SAMD5: variants seen among roughly 807,000 people sequenced by gnomAD.
SAMD5 encodes the protein sterile alpha motif domain containing 5, also known as sterile alpha motif domain-containing protein 5.
SAMD5 carries 13 observed loss-of-function variants against 11.3 expected under a neutral mutation model. That is an observed-to-expected ratio of 1.15 (90% CI 0.75 to 1.83). SAMD5 has a LOEUF of 1.83. SAMD5 is among the 40% of genes most tolerant of loss of function. The pLI is 0.00. For missense variants in SAMD5, 255 were observed against 239.1 expected, an observed-to-expected ratio of 1.07 and a Z score of -0.44; for synonymous variants, 129 against 111.3, an observed-to-expected ratio of 1.16 and a Z score of -1.00.
intron 1 of SAMD5, among the ~76,000 whole-genome samples, chr6:147,601,813 C>T (rs577050084): frequency 3.5e-4 from 53 of 152,198 alleles, no homozygotes; most frequent in Non-Finnish European, 6.6e-4. Flanking sequence ...CAGCTTACTT[C>T]ACCGTGAATG....
chr6:147,952,380 G>A, the SAMD5 span, among the ~76,000 whole-genome samples: 5 of 152,212 alleles, frequency 3.3e-5, no homozygotes, highest in Non-Finnish European at 2.9e-5. Context: ...ATATATTAAT[G>A]GTGATGGATA....
At chr6:147,759,451 C>T in the SAMD5 span, among the ~76,000 whole-genome samples, 42 of 152,030 alleles carry the variant, frequency 2.8e-4, no homozygotes, top group Admixed American at 2.0e-3. Flanking sequence ...CTCCTTTTGG[C>T]CAATAACTCT....
At chr6:147,859,132 A>AC in the SAMD5 span, among the ~76,000 whole-genome samples, 1 of 152,152 alleles carries the variant, frequency 6.6e-6, no homozygotes, top group Non-Finnish European at 1.5e-5. Context: ...AATGTTTACT[A>AC]CCCTCGGAGA....
the SAMD5 span, among the ~76,000 whole-genome samples, chr6:147,781,258 TG>T: frequency 6.6e-6 from 1 of 151,668 alleles, no homozygotes; most frequent in African/African-American, 2.4e-5. Flanking sequence ...CAGACTCAAG[TG>T]ATCCTCCTAC....
At chr6:147,538,888 G>T (rs1371286224) in intron 1 of SAMD5, among the ~76,000 whole-genome samples, 4 of 152,102 alleles carry the variant, frequency 2.6e-5, no homozygotes, top group Non-Finnish European at 5.9e-5. Flanking sequence ...CAAAATATTT[G>T]ACTTAAGTGC....
At chr6:147,877,914 G>T in the SAMD5 span, among the ~76,000 whole-genome samples, 3 of 8,848 alleles carry the variant, frequency 3.4e-4, no homozygotes, top group Non-Finnish European at 7.2e-4. Flanking sequence ...TAGATAGCTA[G>T]CTAGCTAGCT....
At chr6:147,892,291 T>C in the SAMD5 span, among the ~76,000 whole-genome samples, 4 of 152,300 alleles carry the variant, frequency 2.6e-5, no homozygotes, top group Non-Finnish European at 5.9e-5. Flanking sequence ...CCTCCTTCAT[T>C]CTTGGTCTAT....
chr6:147,869,977 A>C, the SAMD5 span, among the ~76,000 whole-genome samples: 1 of 152,184 alleles, frequency 6.6e-6, no homozygotes, highest in African/African-American at 2.4e-5. Context: ...CAGCCTCCCA[A>C]GTGTTGGGAT....
At chr6:147,683,767 A>G (rs1483371684) in intron 1 of SAMD5, among the ~76,000 whole-genome samples, 1 of 152,194 alleles carries the variant, frequency 6.6e-6, no homozygotes, top group Non-Finnish European at 1.5e-5. Flanking sequence ...ATTACAAATG[A>G]CAACAGTAGA....
intron 1 of SAMD5, among the ~76,000 whole-genome samples, chr6:147,531,561 G>A (rs9377056): frequency 0.31 from 47,231 of 152,032 alleles, 7,727 homozygotes; most frequent in East Asian, 0.4. Context: ...AATGCTCACT[G>A]GGACACATTC....
At chr6:147,949,397 A>G in the SAMD5 span, among the ~76,000 whole-genome samples, 1 of 152,194 alleles carries the variant, frequency 6.6e-6, no homozygotes, top group South Asian at 2.1e-4. Context: ...TTATTTTTAA[A>G]TTCATTTCAC....
the SAMD5 span, among the ~76,000 whole-genome samples, chr6:147,909,591 T>C: frequency 4.9e-3 from 338 of 69,646 alleles, no homozygotes; most frequent in African/African-American, 0.027. Context: ...TTTCTTTCTT[T>C]CTTTCTTTCT....
chr6:147,696,273 T>C (rs965277148), intron 1 of SAMD5, among the ~76,000 whole-genome samples: 1 of 152,190 alleles, frequency 6.6e-6, no homozygotes, highest in African/African-American at 2.4e-5. Context: ...TTAGTGAGGT[T>C]GGGTGGGGGA....
the SAMD5 span, among the ~76,000 whole-genome samples, chr6:147,900,737 G>A: frequency 6.6e-6 from 1 of 152,164 alleles, no homozygotes; most frequent in Non-Finnish European, 1.5e-5. Context: ...TCCTATTGCT[G>A]GAAGAGTTAA....
the SAMD5 span, among the ~76,000 whole-genome samples, chr6:147,776,543 T>A: frequency 2.0e-5 from 3 of 152,208 alleles, no homozygotes; most frequent in African/African-American, 7.2e-5. Context: ...GTTTCTCTCT[T>A]CACATTTCTG....
At chr6:147,665,623 A>C (rs1031527318) in intron 1 of SAMD5, among the ~76,000 whole-genome samples, 1 of 152,144 alleles carries the variant, frequency 6.6e-6, no homozygotes, top group African/African-American at 2.4e-5. Flanking sequence ...TGCTTTAGGA[A>C]ACTGCCCCTT....
downstream of SAMD5, among the ~76,000 whole-genome samples, chr6:147,572,447 A>G (rs1414748445): frequency 6.6e-6 from 1 of 152,178 alleles, no homozygotes; most frequent in East Asian, 1.9e-4. Flanking sequence ...AATGTAGTAA[A>G]CATTGTAATT....
the SAMD5 span, among the ~76,000 whole-genome samples, chr6:147,760,428 C>T: frequency 1.3e-5 from 2 of 152,024 alleles, no homozygotes; most frequent in Non-Finnish European, 2.9e-5. Context: ...CTTTTAAAAA[C>T]TGTAGATAAA....
At chr6:147,657,319 G>T (rs1441329708) in intron 1 of SAMD5, among the ~76,000 whole-genome samples, 2 of 152,132 alleles carry the variant, frequency 1.3e-5, no homozygotes, top group African/African-American at 4.8e-5. Flanking sequence ...AATGTTAAAT[G>T]TCCTGAAGTT....
Sources: gnomAD v4.1 joint callset for allele counts (sites outside exome capture counted in the v4.1 genomes callset) on GRCh38, gnomAD v4.1.1 for gene constraint, MANE v1.5 for transcripts, NCBI Gene and HGNC (gene_info 2026-07-23, HGNC 2026-07-21) for gene names.